Variants in HDAC9 observed in about 807,000 individuals in gnomAD.
HDAC9 encodes histone deacetylase 9, also known as MEF-2 interacting transcription repressor (MITR) protein.
A neutral mutation model predicts 139.4 loss-of-function variants in HDAC9; 41 were observed. That is an observed-to-expected ratio of 0.29 (90% CI 0.23 to 0.38). HDAC9 has a LOEUF of 0.38. HDAC9 is among the 10% of genes least tolerant of loss of function. HDAC9 has a pLI of 1.00. For synonymous variants in HDAC9, 517 were observed against 476.2 expected (o/e 1.09, Z -1.12); for missense variants, 1,147 against 1,297.0 (o/e 0.88, Z 1.78).
At chr7:18,415,955 T>A (rs1216812696) in intron 1 of HDAC9, among the ~76,000 whole-genome samples, 2 of 152,162 alleles carry the variant, frequency 1.3e-5, no homozygotes, top group Middle Eastern at 3.2e-3. Context: ...CATGATGTAT[T>A]ATCCTTTTAA....
intron 1 of HDAC9, among the ~76,000 whole-genome samples, chr7:18,106,668 G>C (rs1783227450): frequency 1.3e-5 from 2 of 152,158 alleles, no homozygotes; most frequent in Non-Finnish European, 2.9e-5. Flanking sequence ...TAGCCAGGCT[G>C]GTCTTGAACT....
rs774741739 is a variant in HDAC9, at chr7:18,639,944, G to A, written c.913-4727G>A. On this transcript the variant is annotated intron_variant, in intron 8 of 25. Coordinates refer to ENST00000686413, the MANE Select transcript of HDAC9 (RefSeq NM_178425.4). ...GGAGAGCTCAAGTATAAGACACTTA[G>A]GCCAGACTTCGTTTCACAAGTCCAG... 4.9e-4 allele frequency among the ~76,000 whole-genome samples: 75 copies of A among 151,980 alleles called. 1 individual carries two copies. Among genetic ancestry groups the A allele is most frequent in the Non-Finnish European group, 1.9e-4 (13 of 67,976 alleles).
At chr7:18,857,555 T>A (rs1025454859) in intron 21 of HDAC9, among the ~76,000 whole-genome samples, 3 of 151,804 alleles carry the variant, frequency 2.0e-5, no homozygotes, top group African/African-American at 7.2e-5. Flanking sequence ...TCTAGAGTAA[T>A]TATTGTTTTG....
At chr7:18,945,489 GT>G (rs995852105) in intron 23 of HDAC9, among the ~76,000 whole-genome samples, 1 of 152,170 alleles carries the variant, frequency 6.6e-6, no homozygotes, top group Admixed American at 6.5e-5. Flanking sequence ...ACTTTTTAAT[GT>G]GGTATAATTT....
rs144700362 is a variant in HDAC9 at position 18,253,612 on chromosome 7, T to C, written c.25+91263T>C. Among the ~76,000 whole-genome samples the C allele has an allele frequency of 2.6e-5, 4 of 152,330 alleles. No individual in the cohort carries two copies. The East Asian group carries it at 7.7e-4, about 29-fold the overall frequency. On this transcript the variant is annotated intron_variant, in intron 2 of 12. Transcript: ENST00000417496. ...TTTTAATGGAACTGACAAACCACAATCTTGATTGCTTAATACAATAAAGGA... is the reference window on the plus strand; with the variant it reads ...TTTTAATGGAACTGACAAACCACAACCTTGATTGCTTAATACAATAAAGGA...
intron 12 of HDAC9, among the ~76,000 whole-genome samples, chr7:18,680,974 G>T (rs1781852762): frequency 6.6e-6 from 1 of 152,028 alleles, no homozygotes; most frequent in South Asian, 2.1e-4. Context: ...GAAATATTGA[G>T]TAGATGAAGA....
chr7:18,681,837 C>T (rs1584828942), intron 12 of HDAC9, among the ~76,000 whole-genome samples: 1 of 151,978 alleles, frequency 6.6e-6, no homozygotes, highest in East Asian at 1.9e-4. Flanking sequence ...CATCTCTTGG[C>T]CTTTGGAGTA....
chr7:18,937,531 G>C (rs1781730357), intron 23 of HDAC9, among the ~76,000 whole-genome samples: 1 of 152,104 alleles, frequency 6.6e-6, no homozygotes, highest in Non-Finnish European at 1.5e-5. Context: ...GTGGCAGTAA[G>C]GGAGTGCAAG....
At chr7:18,826,440 A>T (rs1021948202) in intron 17 of HDAC9, among the ~76,000 whole-genome samples, 1 of 152,198 alleles carries the variant, frequency 6.6e-6, no homozygotes, top group Admixed American at 6.5e-5. Context: ...TCCTGAGAGC[A>T]CAATGCGAGG....
chr7:18,302,755 GACAGTGTCTAGTCTATAGT>G (rs1173461602), intron 1 of HDAC9, among the ~76,000 whole-genome samples: 1 of 152,152 alleles, frequency 6.6e-6, no homozygotes, highest in Non-Finnish European at 1.5e-5. Flanking sequence ...AGAAGGCATA[GACAGTGTCTAGTCTATAGT>G]ACAGTGTTTG....
intron 1 of HDAC9, among the ~76,000 whole-genome samples, chr7:18,382,078 A>G (rs1002948927): frequency 3.9e-5 from 6 of 152,216 alleles, no homozygotes; most frequent in African/African-American, 1.4e-4. Context: ...TTCCACTCAA[A>G]CAGTAAATCA....
upstream of HDAC9, among the ~76,000 whole-genome samples, chr7:18,286,279 C>G (rs921455937): frequency 6.6e-6 from 1 of 151,708 alleles, no homozygotes; most frequent in African/African-American, 2.4e-5. Context: ...AAAATTGTAT[C>G]ATCATTATTT....
intron 8 of HDAC9, among the ~76,000 whole-genome samples, chr7:18,640,165 A>C (rs1785111184): frequency 6.6e-6 from 1 of 151,384 alleles, no homozygotes; most frequent in East Asian, 2.0e-4. Context: ...CGGGAGGCTG[A>C]GGTGGGAGGA....
chr7:18,859,283 C>G (rs1303161289), intron 21 of HDAC9, among the ~76,000 whole-genome samples: 1 of 152,072 alleles, frequency 6.6e-6, no homozygotes, highest in East Asian at 1.9e-4. Context: ...AAAGAGTTTC[C>G]TTGCCTCCAA....
chr7:18,814,025 C>A (rs1003869798), intron 17 of HDAC9, among the ~76,000 whole-genome samples: 7 of 152,138 alleles, frequency 4.6e-5, no homozygotes, highest in Admixed American at 1.3e-4. Flanking sequence ...CTGCCTATTT[C>A]CAGCCTCTTC....
At chr7:18,793,167 A>G in intron 16 of HDAC9, 178 bp from the exon 17 acceptor site, 1 of 592,056 alleles carries the variant, frequency 1.7e-6, no homozygotes, top group Non-Finnish European at 3.0e-6. Flanking sequence ...TCAGCTGGCC[A>G]AGACGGAAGA....
intron 1 of HDAC9, among the ~76,000 whole-genome samples, chr7:18,313,107 C>G (rs545711886): frequency 2.1e-4 from 32 of 152,098 alleles, no homozygotes; most frequent in African/African-American, 6.8e-4. Context: ...ACAGTTTGTT[C>G]AGCTTTACGA....
chr7:18,715,800 G>A (rs948234819), intron 12 of HDAC9, among the ~76,000 whole-genome samples: 21 of 151,968 alleles, frequency 1.4e-4, no homozygotes, highest in African/African-American at 3.4e-4. Context: ...GCTGTGTTTC[G>A]TAATATTATT....
At chr7:18,119,800 A>G (rs1379251944) in intron 1 of HDAC9, among the ~76,000 whole-genome samples, 2 of 152,212 alleles carry the variant, frequency 1.3e-5, no homozygotes, top group East Asian at 1.9e-4. Context: ...GTTTGTGCCC[A>G]TAACTTTCTC....
Sources: gnomAD v4.1 joint callset for allele counts (sites outside exome capture counted in the v4.1 genomes callset) on GRCh38, gnomAD v4.1.1 for gene constraint, MANE v1.5 for transcripts, NCBI Gene and HGNC (gene_info 2026-07-23, HGNC 2026-07-21) for gene names.